Variants in PCSK2 observed in about 807,000 individuals in gnomAD.
PCSK2 encodes the protein proprotein convertase subtilisin/kexin type 2.
Under a neutral mutation model 69.7 loss-of-function variants are expected in PCSK2, and 14 were observed. The observed-to-expected ratio is 0.20, with a 90% CI of 0.13 to 0.31. The LOEUF is 0.31. Ranked by LOEUF, PCSK2 falls within the 10% of genes least tolerant of loss-of-function variation. The pLI is 1.00. For missense variants in PCSK2, 544 were observed against 842.5 expected (o/e 0.65, Z 4.39); for synonymous variants, 307 against 320.7 (o/e 0.96, Z 0.46).
intron 2 of PCSK2, among the ~76,000 whole-genome samples, chr20:17,327,631 C>T (rs1304852876): frequency 1.3e-5 from 2 of 152,218 alleles, no homozygotes; most frequent in Non-Finnish European, 2.9e-5. Context: ...CTCCCATAGA[C>T]AGTGCACCCT....
chr20:17,374,222 T>C (rs924653565), intron 5 of PCSK2, among the ~76,000 whole-genome samples: 1 of 152,148 alleles, frequency 6.6e-6, no homozygotes, highest in African/African-American at 2.4e-5. Flanking sequence ...TCAGTAAAGA[T>C]GCAAGCATGT....
intron 5 of PCSK2, among the ~76,000 whole-genome samples, chr20:17,393,572 C>CT (rs1160875502): frequency 1.3e-5 from 2 of 151,130 alleles, no homozygotes; most frequent in Non-Finnish European, 3.0e-5. Context: ...AATTTTTTTT[C>CT]TTTTTTTTCA....
intron 2 of PCSK2, among the ~76,000 whole-genome samples, chr20:17,323,223 A>T (rs1225295291): frequency 6.6e-6 from 1 of 152,176 alleles, no homozygotes; most frequent in Non-Finnish European, 1.5e-5. Context: ...ATGAATTCTG[A>T]GGGACATTCA....
chr20:17,453,755 A>C lies in PCSK2; in HGVS notation c.899A>C (p.Lys300Thr). The change falls in exon 9 of 12, where the codon AAA becomes ACA. Residue 300 changes from lysine (K) to threonine (T), a missense_variant. This residue lies in a region of PCSK2 where 187 missense variants were observed against 399.8 expected (regional missense o/e 0.47). Transcript: ENST00000262545. This position sits in a 1 kb window ranked among gnomAD's most constrained non-coding sequence, Gnocchi z 4.0. ...TGCTCTCCCCAGGGCCGCGGCGGCA[A>C]AGGCAGCATCTACGTGTGGGCCTCC... ...ADGVNKGRGG[K>T]GSIYVWASGD... 1.2e-6 allele frequency: 2 copies of C among 1,613,562 alleles called. No homozygotes were observed. Among genetic ancestry groups the C allele is most frequent in the Non-Finnish European group, 1.7e-6 (2 of 1,179,912 alleles).
At chr20:17,431,275 C>T (rs548425068) in intron 7 of PCSK2, among the ~76,000 whole-genome samples, 1 of 152,264 alleles carries the variant, frequency 6.6e-6, no homozygotes, top group Non-Finnish European at 1.5e-5. Context: ...GAGGAGGCTG[C>T]GGCATTAATC....
intron 2 of PCSK2, among the ~76,000 whole-genome samples, chr20:17,315,426 G>A (rs764221323): frequency 6.6e-6 from 1 of 152,228 alleles, no homozygotes; most frequent in Non-Finnish European, 1.5e-5. Context: ...GCGCTATAAG[G>A]GAACCCGTGG....
chr20:17,370,220 T>C (rs1276246422), intron 5 of PCSK2, among the ~76,000 whole-genome samples: 1 of 152,230 alleles, frequency 6.6e-6, no homozygotes, highest in Admixed American at 6.5e-5. Flanking sequence ...GTCTTAGTCA[T>C]TGAAGAGACT....
intron 2 of PCSK2, among the ~76,000 whole-genome samples, chr20:17,266,682 C>T (rs1167525273): frequency 6.6e-6 from 1 of 152,160 alleles, no homozygotes; most frequent in African/African-American, 2.4e-5. Context: ...AAGGGAGAAG[C>T]TGAGCAAATG....
At chr20:17,424,909 C>A (rs900249072) in intron 6 of PCSK2, among the ~76,000 whole-genome samples, 2 of 152,050 alleles carry the variant, frequency 1.3e-5, no homozygotes, top group African/African-American at 4.8e-5. Flanking sequence ...CTCAGCCTCC[C>A]GAGTAGCTAG....
intron 2 of PCSK2, among the ~76,000 whole-genome samples, chr20:17,348,723 C>T (rs1262832259): frequency 6.6e-6 from 1 of 152,214 alleles, no homozygotes; most frequent in Non-Finnish European, 1.5e-5. Flanking sequence ...TGTAGATGGC[C>T]GTCTTTTCCC....
At chr20:17,455,029 C>G (rs999025092) in intron 9 of PCSK2, among the ~76,000 whole-genome samples, 1 of 152,110 alleles carries the variant, frequency 6.6e-6, no homozygotes, top group African/African-American at 2.4e-5. Flanking sequence ...GCTTTGACCC[C>G]TCTTATCCTG....
At chr20:17,467,431 A>C (rs994761798) in intron 11 of PCSK2, among the ~76,000 whole-genome samples, 1 of 152,238 alleles carries the variant, frequency 6.6e-6, no homozygotes, top group Admixed American at 6.5e-5. Flanking sequence ...TCTAGTGGCA[A>C]GTCTAATGGC....
rs548635174 is a variant in PCSK2, at chr20:17,245,414, G to A, written c.178-14826G>A. 2.6e-5 allele frequency among the ~76,000 whole-genome samples: 4 copies of A among 152,276 alleles called. No homozygotes were observed. The East Asian group carries it at 7.7e-4, about 29-fold the overall frequency. The stretch of plus-strand genomic sequence containing the variant: ...TTGTGGGTTATTCTAGCTTTTTAAA[G>A]GGATATCTTGCTTGTGAAGATACTA... On this transcript the variant is annotated intron_variant, in intron 1 of 11. Coordinates refer to ENST00000262545, the MANE Select transcript of PCSK2 (RefSeq NM_002594.5).
At chr20:17,324,677 T>C (rs1406971236) in intron 2 of PCSK2, among the ~76,000 whole-genome samples, 4 of 152,058 alleles carry the variant, frequency 2.6e-5, no homozygotes, top group Admixed American at 6.5e-5. Flanking sequence ...GTAGCCCCCA[T>C]GGAACTCTCT....
intron 1 of PCSK2, among the ~76,000 whole-genome samples, chr20:17,245,959 G>T (rs1162121486): frequency 6.6e-6 from 1 of 152,112 alleles, no homozygotes; most frequent in Non-Finnish European, 1.5e-5. Flanking sequence ...TCTTACCAAT[G>T]CCCAAAGAAC....
chr20:17,239,611 G>A (rs556732268), intron 1 of PCSK2, among the ~76,000 whole-genome samples: 11 of 152,246 alleles, frequency 7.2e-5, no homozygotes, highest in African/African-American at 2.2e-4. Flanking sequence ...GGAGTTTCAA[G>A]CCAATGGACC....
At chr20:17,391,955 G>T (rs2031391121) in intron 5 of PCSK2, among the ~76,000 whole-genome samples, 1 of 45,196 alleles carries the variant, frequency 2.2e-5, no homozygotes. Context: ...GAAGGGGAAG[G>T]GAAAGAAGGA....
At chr20:17,365,520 T>C (rs957822511) in intron 4 of PCSK2, among the ~76,000 whole-genome samples, 4 of 152,152 alleles carry the variant, frequency 2.6e-5, no homozygotes, top group African/African-American at 9.7e-5. Flanking sequence ...CCAAAAGTCT[T>C]GATTTGTTCC....
At chr20:17,399,295 AC>A (rs1182807919) in intron 5 of PCSK2, among the ~76,000 whole-genome samples, 1 of 152,202 alleles carries the variant, frequency 6.6e-6, no homozygotes, top group Non-Finnish European at 1.5e-5. Flanking sequence ...CCACACCATT[AC>A]TTTATTCCAG....
Sources: allele counts gnomAD v4.1 joint callset (sites outside exome capture counted in the v4.1 genomes callset), GRCh38; gene constraint gnomAD v4.1.1; regional missense constraint gnomAD v4.1.1; non-coding constraint Gnocchi (gnomAD v3.1); transcripts MANE v1.5; gene names NCBI Gene and HGNC (gene_info 2026-07-23, HGNC 2026-07-21).